SPSB4: variants seen among roughly 807,000 people sequenced by gnomAD.
SPSB4 encodes splA/ryanodine receptor domain and SOCS box containing 4.
In SPSB4, 21 loss-of-function variants were observed where a neutral mutation model predicts 20.9. The observed-to-expected ratio is 1.01, with a 90% confidence interval of 0.71 to 1.45. The LOEUF (loss-of-function observed/expected upper bound fraction) is 1.45, where lower values mean the gene tolerates loss of function less well. SPSB4 is among the 40% of genes most tolerant of loss of function. The pLI, the probability that SPSB4 is intolerant of heterozygous loss-of-function variation, is 0.00. For synonymous variants in SPSB4, 207 were observed against 183.8 expected, an observed-to-expected ratio of 1.13 and a Z score of -1.02; for missense variants, 399 against 399.2, an observed-to-expected ratio of 1.00 and a Z score of 0.00.
chr3:141,104,621 C>T (rs766853070), intron 2 of SPSB4, among the ~76,000 whole-genome samples: 3 of 152,134 alleles, frequency 2.0e-5, no homozygotes, highest in Non-Finnish European at 2.9e-5. Context: ...CACAGGTGGC[C>T]GGTGTCAGGC....
rs1251846676 is a variant in SPSB4 at position 141,066,013 on chromosome 3, T to A, written c.-92T>A. 8.3e-7 allele frequency: 1 copy of A among 1,205,208 alleles called. No individual in the cohort carries two copies. The highest frequency in any genetic ancestry group is 1.1e-6 in the Non-Finnish European group (1 of 909,588). The allele number at this position is 1,205,208 out of a possible 1,614,324, so 74.7% of individuals were successfully genotyped here. ...GGAGGTCTACCGTCCGGAAGCCTGGTTCCCAGCCCCGTGGCCCATTCCTGG... is the reference window on the plus strand; with the variant it reads ...GGAGGTCTACCGTCCGGAAGCCTGGATCCCAGCCCCGTGGCCCATTCCTGG... On this transcript the variant is annotated 5_prime_UTR_variant, in exon 2 of 3. Transcript: ENST00000310546.
intron 1 of SPSB4, 56 bp from the exon 2 acceptor site, chr3:141,065,896 T>C (rs1036460131): frequency 1.6e-5 from 8 of 512,720 alleles, no homozygotes; most frequent in African/African-American, 6.1e-5. Context: ...AATGAAGGGA[T>C]TGGCAACTGG....
At chr3:141,067,028 G>A (rs192441018) in intron 2 of SPSB4, among the ~76,000 whole-genome samples, 1 of 152,160 alleles carries the variant, frequency 6.6e-6, no homozygotes, top group Non-Finnish European at 1.5e-5. Context: ...CAGTTGTAAC[G>A]ATCAAATAAA....
chr3:141,060,145 G>C (rs1429710335), intron 1 of SPSB4, among the ~76,000 whole-genome samples: 1 of 152,166 alleles, frequency 6.6e-6, no homozygotes, highest in African/African-American at 2.4e-5. Flanking sequence ...GCCTCTAGTA[G>C]GGACAGAGAC....
At chr3:141,081,354 C>T (rs1388900311) in intron 2 of SPSB4, among the ~76,000 whole-genome samples, 2 of 152,172 alleles carry the variant, frequency 1.3e-5, no homozygotes, top group African/African-American at 2.4e-5. Flanking sequence ...TTTAGAGCCA[C>T]TGGAGAGGGC....
intron 2 of SPSB4, among the ~76,000 whole-genome samples, chr3:141,100,315 T>C (rs1938596505): frequency 6.6e-6 from 1 of 152,212 alleles, no homozygotes; most frequent in Non-Finnish European, 1.5e-5. Context: ...GATGAGGTCA[T>C]CAGGGTGGGC....
intron 2 of SPSB4, among the ~76,000 whole-genome samples, chr3:141,127,448 C>T (rs903000066): frequency 6.6e-6 from 1 of 152,238 alleles, no homozygotes; most frequent in African/African-American, 2.4e-5. Context: ...TTCAGCCCCA[C>T]CTCCCCGAGG....
At chr3:141,142,229 T>A (rs978973332) in intron 2 of SPSB4, among the ~76,000 whole-genome samples, 2 of 152,226 alleles carry the variant, frequency 1.3e-5, no homozygotes, top group African/African-American at 2.4e-5. Flanking sequence ...AAGAGGTTTT[T>A]GTAAGTTGTG....
chr3:141,123,426 C>T (rs1045537519), intron 2 of SPSB4, among the ~76,000 whole-genome samples: 1 of 152,220 alleles, frequency 6.6e-6, no homozygotes, highest in Non-Finnish European at 1.5e-5. Flanking sequence ...ATGTGTGCCT[C>T]AATAATGCCT....
chr3:141,119,418 C>A (rs1938929398), intron 2 of SPSB4, among the ~76,000 whole-genome samples: 1 of 152,208 alleles, frequency 6.6e-6, no homozygotes, highest in Non-Finnish European at 1.5e-5. Flanking sequence ...TCCACATGTA[C>A]AATCATGTCT....
At chr3:141,065,202 C>T (rs1937840453) in intron 1 of SPSB4, among the ~76,000 whole-genome samples, 1 of 152,116 alleles carries the variant, frequency 6.6e-6, no homozygotes, top group Admixed American at 6.5e-5. Context: ...GGCTCCAGAG[C>T]CTGGACACCG....
At chr3:141,094,533 G>A (rs911264200) in intron 2 of SPSB4, among the ~76,000 whole-genome samples, 2 of 152,204 alleles carry the variant, frequency 1.3e-5, no homozygotes, top group African/African-American at 4.8e-5. Flanking sequence ...GCTGGTGAGA[G>A]ACTCAGGGAA....
At chr3:141,092,275 G>T (rs1938467562) in intron 2 of SPSB4, among the ~76,000 whole-genome samples, 1 of 152,214 alleles carries the variant, frequency 6.6e-6, no homozygotes, top group Admixed American at 6.5e-5. Context: ...ACAATGTAGA[G>T]TGAGGGCACA....
At chr3:141,122,558 C>G (rs1938985609) in intron 2 of SPSB4, among the ~76,000 whole-genome samples, 1 of 152,246 alleles carries the variant, frequency 6.6e-6, no homozygotes, top group South Asian at 2.1e-4. Flanking sequence ...GCAGGCCTTG[C>G]TGAGCTGTGG....
At chr3:141,097,321 G>A (rs990794316) in intron 2 of SPSB4, among the ~76,000 whole-genome samples, 1 of 152,242 alleles carries the variant, frequency 6.6e-6, no homozygotes, top group African/African-American at 2.4e-5. Context: ...CCCAGGGATG[G>A]TATTTCAACC....
chr3:141,062,605 T>C (rs981137888), intron 1 of SPSB4, among the ~76,000 whole-genome samples: 7 of 152,214 alleles, frequency 4.6e-5, no homozygotes, highest in Admixed American at 1.3e-4. Flanking sequence ...ATTCCAGATA[T>C]TCTGCAATTT....
chr3:141,052,885 C>G (rs536985009), intron 1 of SPSB4, among the ~76,000 whole-genome samples: 12 of 152,232 alleles, frequency 7.9e-5, no homozygotes, highest in South Asian at 2.1e-4. Context: ...GCCGAGCCCC[C>G]GACCTCTGAC....
chr3:141,105,656 G>T (rs910683832), intron 2 of SPSB4, among the ~76,000 whole-genome samples: 3 of 152,350 alleles, frequency 2.0e-5, no homozygotes, highest in East Asian at 3.9e-4. Flanking sequence ...GAATTTCAAA[G>T]CCAGGCGGGT....
At chr3:141,081,987 C>T (rs1159940181) in intron 2 of SPSB4, among the ~76,000 whole-genome samples, 2 of 152,134 alleles carry the variant, frequency 1.3e-5, no homozygotes, top group Non-Finnish European at 2.9e-5. Flanking sequence ...GAGAAGGAGA[C>T]CAGCCATGTC....
Sources: allele counts gnomAD v4.1 joint callset (sites outside exome capture counted in the v4.1 genomes callset), GRCh38; gene constraint gnomAD v4.1.1; transcripts MANE v1.5; gene names NCBI Gene and HGNC (gene_info 2026-07-23, HGNC 2026-07-21).